Variants in ITPR3 observed in about 807,000 individuals in gnomAD.
ITPR3 encodes the protein inositol 1,4,5-trisphosphate receptor type 3.
In ITPR3, 173 loss-of-function variants were observed where a neutral mutation model predicts 293.2. The ratio of observed to expected loss-of-function variants is 0.59; its 90% CI spans 0.52 to 0.67. The LOEUF (loss-of-function observed/expected upper bound fraction) is 0.67. Among genes scored for constraint, ITPR3 ranks in the 30% least tolerant of loss-of-function variants. The probability of loss-of-function intolerance (pLI) is 0.00; values close to 1 mark genes in which losing one functional copy is unlikely to be tolerated. For missense variants in ITPR3, 2,796 were observed against 3,592.1 expected, an observed-to-expected ratio of 0.78 and a Z score of 5.66; for synonymous variants, 1,295 against 1,444.4, an observed-to-expected ratio of 0.90 and a Z score of 2.35.
At position 33,680,637 on chromosome 6, in the gene ITPR3, C is replaced by A. The variant is rs774087491; in HGVS notation, c.4433C>A (p.Ala1478Asp). ...VLSVVLDTIN[A>D]FFSSPFSENS... ...AGCGTTGTGCTGGACACCATCAACG[C>A]CTTCTTCAGCTCCCCATTCTCTGAG... Residue 1478 changes from alanine (A) to aspartate (D), a missense_variant, in exon 33 of 58, where the codon GCC (alanine) becomes GAC (aspartate). Transcript: ENST00000605930. 2.5e-6 allele frequency: 4 copies of A among 1,613,994 alleles called. No homozygotes were observed. Among genetic ancestry groups the A allele is most frequent in the Admixed American group, 1.7e-5 (1 of 60,004 alleles).
At position 33,666,076 on chromosome 6, in the gene ITPR3, ATATG is replaced by A; in HGVS notation, c.1551+101_1551+104del. On this transcript the variant is annotated intron_variant, in intron 14 of 57. Transcript: ENST00000605930. This position sits in a 1 kb window ranked among gnomAD's most constrained non-coding sequence, Gnocchi z 5.1. ...CCCCCGCTTTAACAAAAATCAGTAT[ATATG>A]GGGCACGACCACGTGCCAGGGACTT... The A allele has an allele frequency of 7.1e-7, 1 of 1,402,982 alleles. No homozygotes were observed. Among genetic ancestry groups the A allele is most frequent in the Admixed American group, 2.1e-5 (1 of 46,792 alleles). 86.9% of individuals were successfully genotyped at this position (1,402,982 alleles called of 1,614,324 possible).
chr6:33,686,569 A>C, intron 43 of ITPR3, 50 bp downstream of exon 43: 1 of 1,361,642 alleles, frequency 7.3e-7, no homozygotes, highest in Non-Finnish European at 1.1e-6. Flanking sequence ...TGTGATGTGC[A>C]TGCATGTATG....
Position 33,679,756 on chromosome 6 carries a change from G to T in ITPR3, c.3973-126G>T. On this transcript the variant is annotated intron_variant, in intron 30 of 57. Transcript: ENST00000605930. This position sits in a 1 kb window ranked among gnomAD's most constrained non-coding sequence, Gnocchi z 4.2. ...GAACCCCCAAATCCCAGCCAGGGGA[G>T]GGTTTTCCTGATTTCAGGTAAGGGC... The T allele has an allele frequency of 8.0e-7, 1 of 1,246,668 alleles. No homozygotes were observed. The highest frequency in any genetic ancestry group is 1.1e-6 in the Non-Finnish European group (1 of 919,586). The allele number at this position is 1,246,668 out of a possible 1,614,324, so 77.2% of individuals were successfully genotyped here.
At chr6:33,688,511 C>G in intron 48 of ITPR3, 80 bp downstream of exon 48, 1 of 1,499,530 alleles carries the variant, frequency 6.7e-7, no homozygotes, top group African/African-American at 1.4e-5. Flanking sequence ...CTTTGCCTGC[C>G]TGTGGGTGCC....
rs558746869 is a variant in ITPR3, at chr6:33,672,443, G to A, written c.2928+215G>A. Among the ~76,000 whole-genome samples the A allele has an allele frequency of 1.7e-4, 26 of 152,292 alleles. No homozygotes were observed. The highest frequency in any genetic ancestry group is 6.0e-4 in the African/African-American group (25 of 41,554). On this transcript the variant is annotated intron_variant, in intron 22 of 57. Coordinates refer to ENST00000605930, the MANE Select transcript of ITPR3 (RefSeq NM_002224.4). This position sits in a 1 kb window ranked among gnomAD's most constrained non-coding sequence, Gnocchi z 5.0. ...GTTAGAAGTGCACATTCTCGGTTGT[G>A]CGCAGTGACTCACGCCTGTAATCCC...
intron 2 of ITPR3, among the ~76,000 whole-genome samples, chr6:33,644,948 G>A (rs1764031910): frequency 6.6e-6 from 1 of 151,716 alleles, no homozygotes; most frequent in South Asian, 2.1e-4. Flanking sequence ...ACAGGTATGA[G>A]CCACTGCACC....
chr6:33,660,917 C>T (rs1481864530), intron 7 of ITPR3, among the ~76,000 whole-genome samples: 3 of 151,832 alleles, frequency 2.0e-5, no homozygotes, highest in Non-Finnish European at 2.9e-5. Context: ...GGTGACAGAG[C>T]GAGACTCCTT....
Position 33,687,567 on chromosome 6 carries a change from G to A in ITPR3, c.6264+3G>A. On this transcript the variant is annotated splice_donor_region_variant and intron_variant, in intron 46 of 57. Transcript: ENST00000605930. The surrounding 1 kb of genome is among the most constrained non-coding windows in gnomAD (Gnocchi z 5.3). Reference sequence around the variant, plus strand: ...AGGCCGAGGGTATCTCTTCCATGGTGGGTGCTGGCCCCGAGACTGGGGTGG... The same window carrying A: ...AGGCCGAGGGTATCTCTTCCATGGTAGGTGCTGGCCCCGAGACTGGGGTGG... The A allele has an allele frequency of 1.2e-6, 2 of 1,609,334 alleles. No homozygotes were observed. The highest frequency in any genetic ancestry group is 8.5e-7 in the Non-Finnish European group (1 of 1,177,724).
rs1161809584 is a variant in ITPR3 at position 33,688,140 on chromosome 6, C to T, written c.6348C>T (p.Tyr2116=). The change falls in exon 47 of 58, where the codon TAC becomes TAT. Residue 2116 remains tyrosine (Y), a synonymous_variant. Coordinates refer to ENST00000605930, the MANE Select transcript of ITPR3 (RefSeq NM_002224.4). Reference sequence around the variant, plus strand: ...AGGAGGAGGAAGACCCCCTGGCCTACTATGAGAACCACACGTCCCAGATCG... The same window carrying T: ...AGGAGGAGGAAGACCCCCTGGCCTATTATGAGAACCACACGTCCCAGATCG... ...AQEEEEDPLA[Y]YENHTSQIEI... The T allele has an allele frequency of 6.2e-7, 1 of 1,614,172 alleles. No individual in the cohort carries two copies. Among genetic ancestry groups the T allele is most frequent in the East Asian group, 2.2e-5 (1 of 44,872 alleles).
chr6:33,688,903 C>A, intron 49 of ITPR3, 122 bp downstream of exon 49: 1 of 1,304,708 alleles, frequency 7.7e-7, no homozygotes, highest in Non-Finnish European at 1.1e-6. Flanking sequence ...TGCAGAAGCA[C>A]CCCCTGCGCC....
rs57642896 is a variant in ITPR3 at position 33,679,318 on chromosome 6, A to G, written c.3972+479A>G. Among the ~76,000 whole-genome samples, 9,087 of 152,160 alleles carry G rather than the reference A, an allele frequency of 0.06. 306 individuals are homozygous for G. The highest frequency in any genetic ancestry group is 0.081 in the African/African-American group (3,377 of 41,504). On this transcript the variant is annotated intron_variant, in intron 30 of 57. Transcript: ENST00000605930. The surrounding 1 kb of genome is among the most constrained non-coding windows in gnomAD (Gnocchi z 4.2). ...TGTTGAGTGAAGGCACGAAGGATACAGGGCTGAGTCTAAATCTGGAACAGA... is the reference window on the plus strand; with the variant it reads ...TGTTGAGTGAAGGCACGAAGGATACGGGGCTGAGTCTAAATCTGGAACAGA...
rs1230243928 is a variant in ITPR3, at chr6:33,662,513, C to G, written c.712-15C>G. 1.5e-5 allele frequency: 23 copies of G among 1,570,312 alleles called. No homozygotes were observed. The highest frequency in any genetic ancestry group is 2.0e-5 in the Non-Finnish European group (23 of 1,161,274). ...GGGGCCGCAGCCATCCTGAGCCACA[C>G]CCTGCTGCCTGCAGGGAGACGTGGT... On this transcript the variant is annotated splice_polypyrimidine_tract_variant and intron_variant, in intron 7 of 57. Transcript: ENST00000605930.
Position 33,667,248 on chromosome 6 carries a change from C to T in ITPR3, c.1671C>T (p.Tyr557=), listed in dbSNP as rs113055683. Residue 557 remains tyrosine (Y), a synonymous_variant, in exon 15 of 58, where the codon TAC becomes TAT. Coordinates refer to ENST00000605930, the MANE Select transcript of ITPR3 (RefSeq NM_002224.4). The surrounding 1 kb of genome is among the most constrained non-coding windows in gnomAD (Gnocchi z 4.4). ...ACCAGCACATGTTCCGCCTGTGCTA[C>T]CGCGTGTTGCGGCATTCCCAGGAGG... is the stretch of plus-strand genomic sequence containing the variant. ...APYQHMFRLC[Y]RVLRHSQEDY... The T allele has an allele frequency of 7.1e-5, 114 of 1,613,486 alleles. No individual in the cohort carries two copies. The African/African-American group carries it at 1.2e-3, about 17-fold the overall frequency.
chr6:33,673,040 C>G (rs1250665932), intron 22 of ITPR3, among the ~76,000 whole-genome samples: 1 of 152,130 alleles, frequency 6.6e-6, no homozygotes, highest in Admixed American at 6.5e-5. Flanking sequence ...GAGGGCTGGG[C>G]CTTCCATGTC....
At chr6:33,639,866 A>G (rs1213074112) in intron 1 of ITPR3, among the ~76,000 whole-genome samples, 1 of 152,072 alleles carries the variant, frequency 6.6e-6, no homozygotes, top group Non-Finnish European at 1.5e-5. Context: ...TAAGAGGGAA[A>G]TTGTCCTAGG....
At position 33,667,251 on chromosome 6, in the gene ITPR3, C is replaced by T. The variant is rs1369898110; in HGVS notation, c.1674C>T (p.Arg558=). The T allele has an allele frequency of 5.6e-6, 9 of 1,613,368 alleles. No individual in the cohort carries two copies. The highest frequency in any genetic ancestry group is 2.2e-5 in the East Asian group (1 of 44,890). ...AGCACATGTTCCGCCTGTGCTACCG[C>T]GTGTTGCGGCATTCCCAGGAGGACT... ...PYQHMFRLCY[R]VLRHSQEDYR... Residue 558 remains arginine, a synonymous_variant, in exon 15 of 58, where the codon CGC becomes CGT. Transcript: ENST00000605930. The surrounding 1 kb of genome is among the most constrained non-coding windows in gnomAD (Gnocchi z 4.4).
intron 2 of ITPR3, among the ~76,000 whole-genome samples, chr6:33,645,550 T>C (rs1480430310): frequency 6.6e-6 from 1 of 152,192 alleles, no homozygotes; most frequent in East Asian, 1.9e-4. Context: ...GTGAGCCTCC[T>C]TAGGCTCGTG....
At position 33,669,124 on chromosome 6, in the gene ITPR3, C is replaced by T. The variant is rs202109196; in HGVS notation, c.2157C>T (p.Asn719=). 22 of 1,614,092 alleles carry T rather than the reference C, an allele frequency of 1.4e-5. No homozygotes were observed. The highest frequency in any genetic ancestry group is 1.1e-4 in the East Asian group (5 of 44,880). Reference sequence around the variant, plus strand: ...TGGCCCAGGAGGCGCGGGCCGGCAACGCCCACGACGAGAATGTGCTCAGCT... The same window carrying T: ...TGGCCCAGGAGGCGCGGGCCGGCAATGCCCACGACGAGAATGTGCTCAGCT... The part of the protein sequence containing the change: ...RQLAQEARAG[N]AHDENVLSYY... Residue 719 remains asparagine, a synonymous_variant, in exon 18 of 58, where the codon AAC becomes AAT. Transcript: ENST00000605930.
chr6:33,682,765 T>C lies in ITPR3; in HGVS notation c.4597+121T>C. 1 of 1,313,850 alleles carries C rather than the reference T, an allele frequency of 7.6e-7. No individual in the cohort carries two copies. The highest frequency in any genetic ancestry group is 1.0e-6 in the Non-Finnish European group (1 of 995,500). 81.4% of individuals were successfully genotyped at this position (1,313,850 alleles called of 1,614,324 possible). On this transcript the variant is annotated intron_variant, in intron 34 of 57. Coordinates refer to ENST00000605930, the MANE Select transcript of ITPR3 (RefSeq NM_002224.4). This position sits in a 1 kb window ranked among gnomAD's most constrained non-coding sequence, Gnocchi z 5.4. ...TCGCCCATCTCCTGCTCCCAGGTGGTTGTCAGTAAGTTCTTCTTGGCGTCT... is the reference window on the plus strand; with the variant it reads ...TCGCCCATCTCCTGCTCCCAGGTGGCTGTCAGTAAGTTCTTCTTGGCGTCT...
Sources: gnomAD v4.1 joint callset for allele counts (sites outside exome capture counted in the v4.1 genomes callset) on GRCh38, gnomAD v4.1.1 for gene constraint, Gnocchi (gnomAD v3.1) non-coding constraint, MANE v1.5 for transcripts, NCBI Gene and HGNC (gene_info 2026-07-23, HGNC 2026-07-21) for gene names.